KIAA0825: variants seen among roughly 807,000 people sequenced by gnomAD.
The protein encoded by KIAA0825 is uncharacterized protein KIAA0825.
KIAA0825 carries 119 observed loss-of-function variants against 147.6 expected under a neutral mutation model. The ratio of observed to expected loss-of-function variants is 0.81; its 90% CI spans 0.69 to 0.94. The LOEUF (loss-of-function observed/expected upper bound fraction) is 0.94. Ranked by LOEUF, KIAA0825 falls within the 40% of genes least tolerant of loss-of-function variation. KIAA0825 has a pLI of 0.00. For synonymous variants in KIAA0825, 470 were observed against 518.1 expected (o/e 0.91, Z 1.26); for missense variants, 1,381 against 1,472.7 (o/e 0.94, Z 1.02).
intron 17 of KIAA0825, 149 bp from the exon 18 acceptor site, chr5:94,391,843 C>T (rs1286208515): frequency 1.9e-5 from 12 of 634,182 alleles, no homozygotes; most frequent in East Asian, 9.1e-5. Flanking sequence ...CTTCCCAAAC[C>T]GCTGCCACTC....
intron 19 of KIAA0825, among the ~76,000 whole-genome samples, chr5:94,384,697 T>G (rs772831361): frequency 6.6e-6 from 1 of 152,214 alleles, no homozygotes; most frequent in Non-Finnish European, 1.5e-5. Context: ...TAAATCAATT[T>G]ATTGAGTCGT....
intron 1 of KIAA0825, chr5:94,611,932 G>T: frequency 6.6e-6 from 1 of 152,478 alleles, no homozygotes; most frequent in Non-Finnish European, 1.5e-5. Context: ...GTGACAGAGT[G>T]AGACTCTGTC....
chr5:94,201,708 C>T (rs1331305647), intron 20 of KIAA0825, among the ~76,000 whole-genome samples: 3 of 151,894 alleles, frequency 2.0e-5, no homozygotes, highest in African/African-American at 7.3e-5. Context: ...GCTACCACGC[C>T]CCACCATGAA....
intron 12 of KIAA0825, among the ~76,000 whole-genome samples, chr5:94,454,676 T>C (rs2150919881): frequency 6.6e-6 from 1 of 152,300 alleles, no homozygotes; most frequent in East Asian, 1.9e-4. Flanking sequence ...AAAGAATCAC[T>C]GAAGAGTGTA....
intron 4 of KIAA0825, among the ~76,000 whole-genome samples, 163 bp downstream of exon 4, chr5:94,523,767 A>G (rs1768697873): frequency 6.6e-6 from 1 of 151,578 alleles, no homozygotes; most frequent in Non-Finnish European, 1.5e-5. Flanking sequence ...TAAAACAAAT[A>G]GCTCAGTGGA....
At chr5:94,418,891 C>T (rs1753815247) in intron 14 of KIAA0825, among the ~76,000 whole-genome samples, 1 of 151,930 alleles carries the variant, frequency 6.6e-6, no homozygotes, top group African/African-American at 2.4e-5. Context: ...CTTTTATTTT[C>T]TTTTGAGATA....
chr5:94,248,520 A>G (rs577926365), intron 20 of KIAA0825, among the ~76,000 whole-genome samples: 2 of 152,284 alleles, frequency 1.3e-5, no homozygotes, highest in Admixed American at 1.3e-4. Context: ...ACCTGTTGCA[A>G]GTCTGAGCTA....
intron 11 of KIAA0825, among the ~76,000 whole-genome samples, chr5:94,462,891 G>A (rs761665234): frequency 6.6e-6 from 1 of 151,618 alleles, no homozygotes. Flanking sequence ...AAATTATACT[G>A]AGCAAAACAG....
intron 1 of KIAA0825, among the ~76,000 whole-genome samples, chr5:94,613,329 T>A (rs1034003353): frequency 2.6e-5 from 4 of 152,116 alleles, no homozygotes; most frequent in Non-Finnish European, 5.9e-5. Context: ...CAGGAGTAGC[T>A]GGGATTACAT....
At chr5:94,236,992 T>C (rs901980243) in intron 20 of KIAA0825, among the ~76,000 whole-genome samples, 1 of 152,060 alleles carries the variant, frequency 6.6e-6, no homozygotes, top group African/African-American at 2.4e-5. Flanking sequence ...TTTATTGTGG[T>C]GCTCTGGGAC....
chr5:94,385,808 G>A (rs1292235283), intron 19 of KIAA0825, among the ~76,000 whole-genome samples: 1 of 152,190 alleles, frequency 6.6e-6, no homozygotes, highest in African/African-American at 2.4e-5. Flanking sequence ...ACCACTTAAA[G>A]TAGGAGCTCA....
rs556372191 is a variant in KIAA0825, at chr5:94,474,176, G to A, written c.1228-657C>T. Among the ~76,000 whole-genome samples, 7 of 151,406 alleles carry A rather than the reference G, an allele frequency of 4.6e-5. No homozygotes were observed. In the East Asian group the frequency reaches 1.2e-3, roughly 25 times the overall value. On this transcript the variant is annotated intron_variant, in intron 7 of 20. Coordinates refer to ENST00000682413, the MANE Select transcript of KIAA0825 (RefSeq NM_001145678.3). The stretch of plus-strand genomic sequence containing the variant: ...CTGCACTGTTCTATTGTGGTGGTTG[G>A]GGGGGTACTTGGAAGGGAGTAGAAG...
intron 20 of KIAA0825, among the ~76,000 whole-genome samples, chr5:94,226,682 A>G (rs867896932): frequency 6.6e-6 from 1 of 152,034 alleles, no homozygotes; most frequent in South Asian, 2.1e-4. Context: ...TCTACAATGA[A>G]CTCAAACAAA....
In KIAA0825 at chr5:94,170,301, AAAAACAAAACAAAAC is replaced by A. The variant is rs369548025; in HGVS notation, c.3711-16192_3711-16178del. ...GCGACAGAGCAAGACTCCATCTCAA[AAAAACAAAACAAAAC>A]AAAACAAAACAAAACGAAAACAATA... On this transcript the variant is annotated intron_variant, in intron 20 of 20. Coordinates refer to ENST00000682413, the MANE Select transcript of KIAA0825 (RefSeq NM_001145678.3). Among the ~76,000 whole-genome samples the A allele has an allele frequency of 2.3e-3, 355 of 152,224 alleles. 2 individuals carry two copies. Among genetic ancestry groups the A allele is most frequent in the African/African-American group, 8.4e-3 (347 of 41,524 alleles).
At chr5:94,573,842 C>G (rs1780444567) in intron 2 of KIAA0825, among the ~76,000 whole-genome samples, 1 of 152,034 alleles carries the variant, frequency 6.6e-6, no homozygotes, top group Non-Finnish European at 1.5e-5. Flanking sequence ...TAATGTTATC[C>G]AGAGTCAGAT....
At chr5:94,340,315 C>T (rs1037311338) in intron 20 of KIAA0825, among the ~76,000 whole-genome samples, 31 of 151,972 alleles carry the variant, frequency 2.0e-4, no homozygotes, top group African/African-American at 7.2e-4. Context: ...TGAAAAAAGT[C>T]GGTACATGTT....
intron 16 of KIAA0825, among the ~76,000 whole-genome samples, chr5:94,402,184 T>C (rs1364417141): frequency 6.6e-6 from 1 of 152,178 alleles, no homozygotes; most frequent in Non-Finnish European, 1.5e-5. Flanking sequence ...TAACAACTGG[T>C]ATCTATAAGT....
At chr5:94,498,810 T>C in intron 5 of KIAA0825, among the ~76,000 whole-genome samples, 1 of 152,218 alleles carries the variant, frequency 6.6e-6, no homozygotes, top group Non-Finnish European at 1.5e-5. Flanking sequence ...TCTTTCATTT[T>C]ACTTCTGCTT....
intron 15 of KIAA0825, among the ~76,000 whole-genome samples, chr5:94,407,222 C>T (rs1670009303): frequency 6.6e-6 from 1 of 152,136 alleles, no homozygotes; most frequent in Non-Finnish European, 1.5e-5. Context: ...AATCTCTCAC[C>T]TCTGACTAAT....
Sources: gnomAD v4.1 joint callset for allele counts (sites outside exome capture counted in the v4.1 genomes callset) on GRCh38, gnomAD v4.1.1 for gene constraint, MANE v1.5 for transcripts, NCBI Gene and HGNC (gene_info 2026-07-23, HGNC 2026-07-21) for gene names.